INSR: variants seen among roughly 807,000 people sequenced by gnomAD.
INSR encodes IR.
In INSR, 67 loss-of-function variants were observed where a neutral mutation model predicts 142.6. The observed-to-expected ratio is 0.47, with a 90% CI of 0.39 to 0.58. INSR has a LOEUF of 0.58. INSR is among the 20% of genes least tolerant of loss of function. The pLI, the probability that INSR is intolerant of heterozygous loss-of-function variation, is 0.00. For missense variants in INSR, 1,248 were observed against 1,833.2 expected, an observed-to-expected ratio of 0.68 and a Z score of 5.83; for synonymous variants, 756 against 743.1, an observed-to-expected ratio of 1.02 and a Z score of -0.28.
chr19:7,157,635 G>A (rs914752428), intron 9 of INSR, among the ~76,000 whole-genome samples: 2 of 151,894 alleles, frequency 1.3e-5, no homozygotes, highest in South Asian at 2.1e-4. Context: ...TGTGACCCAC[G>A]GTGCAAGCAC....
Position 7,125,518 on chromosome 19 carries a change from C to G in INSR, c.3023G>C (p.Cys1008Ser), listed in dbSNP as rs1281347529. The change falls in exon 17 of 22, where the codon TGC becomes TCC. Residue 1008 changes from cysteine (C) to serine (S), a missense_variant. Around this residue, in one of 3 missense-constraint regions of INSR, gnomAD observed 1,069 missense variants for 1,654.0 expected, o/e 0.65. Transcript: ENST00000302850. This position sits in a 1 kb window ranked among gnomAD's most constrained non-coding sequence, Gnocchi z 4.9. ...EYLSASDVFP[C>S]SVYVPDEWEV... is the part of the protein sequence containing the mutation. ...CCACTCGTCCGGCACGTACACAGAG[C>G]ATGGAAACACTACTTCTTACTTATC... 1.7e-5 allele frequency: 27 copies of G among 1,613,526 alleles called. No individual in the cohort carries two copies. The highest frequency in any genetic ancestry group is 2.2e-5 in the Non-Finnish European group (26 of 1,179,972).
chr19:7,184,662 G>GAGAGAGAGAGAGAGAGA (rs1974376673), intron 2 of INSR, 25 bp from the exon 3 acceptor site: 1 of 978,500 alleles, frequency 1.0e-6, no homozygotes, highest in African/African-American at 2.6e-5. Flanking sequence ...AGAGAGAGAG[G>GAGAGAGAGAGAGAGAGA]GAAATAAATA....
At chr19:7,291,782 C>A (rs1237235485) in intron 1 of INSR, among the ~76,000 whole-genome samples, 2 of 152,040 alleles carry the variant, frequency 1.3e-5, no homozygotes, top group Non-Finnish European at 2.9e-5. Context: ...AGTTCGAAAC[C>A]ACTCATCTTG....
At chr19:7,144,050 G>C (rs1973133737) in intron 11 of INSR, among the ~76,000 whole-genome samples, 1 of 140,058 alleles carries the variant, frequency 7.1e-6, no homozygotes, top group African/African-American at 2.9e-5. Flanking sequence ...GTGAGACTCT[G>C]TCTCAAAAAA....
chr19:7,261,238 C>T (rs901825532), intron 2 of INSR, among the ~76,000 whole-genome samples: 5 of 152,090 alleles, frequency 3.3e-5, no homozygotes, highest in Non-Finnish European at 5.9e-5. Flanking sequence ...TCTGAGTGTA[C>T]TTGGTTTGAT....
intron 2 of INSR, among the ~76,000 whole-genome samples, chr19:7,229,716 G>A (rs957265085): frequency 5.4e-5 from 8 of 146,848 alleles, no homozygotes; most frequent in Non-Finnish European, 1.2e-4. Flanking sequence ...GGATGCTTTT[G>A]AAAAATGAAA....
chr19:7,119,132 G>A lies in INSR; in HGVS notation c.3794+317C>T, dbSNP rs1157483650. 6.6e-6 allele frequency among the ~76,000 whole-genome samples: 1 copy of A among 152,100 alleles called. No individual in the cohort carries two copies. Among genetic ancestry groups the A allele is most frequent in the African/African-American group, 2.4e-5 (1 of 41,406 alleles). Reference sequence around the variant, plus strand: ...TGTGTGCTTATAATATGTAAATGAGGTGTACATGTGCCATGATATGCTGAT... The same window carrying A: ...TGTGTGCTTATAATATGTAAATGAGATGTACATGTGCCATGATATGCTGAT... On this transcript the variant is annotated intron_variant, in intron 21 of 21. Coordinates refer to ENST00000302850, the MANE Select transcript of INSR (RefSeq NM_000208.4). The surrounding 1 kb of genome is among the most constrained non-coding windows in gnomAD (Gnocchi z 5.2).
chr19:7,172,546 G>C (rs1974042658), intron 4 of INSR, 112 bp from the exon 5 acceptor site: 1 of 1,136,738 alleles, frequency 8.8e-7, no homozygotes, highest in Non-Finnish European at 1.3e-6. Flanking sequence ...GACATACCCA[G>C]CTCAAAACTC....
At chr19:7,145,510 A>G (rs1973165689) in intron 11 of INSR, among the ~76,000 whole-genome samples, 4 of 152,202 alleles carry the variant, frequency 2.6e-5, no homozygotes. Flanking sequence ...TGGGTTTTCA[A>G]TGACACACTA....
At chr19:7,153,458 GCCACACACCACACACACA>G (rs1568450244) in intron 9 of INSR, among the ~76,000 whole-genome samples, 1 of 88,762 alleles carries the variant, frequency 1.1e-5, no homozygotes, top group Non-Finnish European at 2.4e-5. Flanking sequence ...CCACACCCAC[GCCACACACCACACACACA>G]CCACACACGC....
intron 2 of INSR, among the ~76,000 whole-genome samples, chr19:7,236,840 C>G (rs968593013): frequency 4.0e-5 from 6 of 151,694 alleles, no homozygotes; most frequent in Non-Finnish European, 7.4e-5. Context: ...TCCTGGCTAA[C>G]ACGGTGAAAC....
chr19:7,190,520 C>T (rs1974552555), intron 2 of INSR, among the ~76,000 whole-genome samples: 1 of 151,924 alleles, frequency 6.6e-6, no homozygotes, highest in Non-Finnish European at 1.5e-5. Flanking sequence ...TACAGGCGCC[C>T]GTCATCACGC....
intron 2 of INSR, among the ~76,000 whole-genome samples, chr19:7,257,056 T>C (rs1476885102): frequency 6.6e-6 from 1 of 151,202 alleles, no homozygotes; most frequent in Middle Eastern, 3.4e-3. Flanking sequence ...GATTCTCCTG[T>C]CTCAGTCTCC....
intron 8 of INSR, among the ~76,000 whole-genome samples, chr19:7,165,628 C>G (rs182827667): frequency 1.3e-5 from 2 of 151,646 alleles, no homozygotes; most frequent in Non-Finnish European, 2.9e-5. Context: ...TTTGGGAGGC[C>G]GAGGCAGGAG....
chr19:7,224,215 T>C (rs1042973130), intron 2 of INSR, among the ~76,000 whole-genome samples: 13 of 150,528 alleles, frequency 8.6e-5, no homozygotes, highest in African/African-American at 3.2e-4. Context: ...GTGCTGGGAT[T>C]ACAGGAGTGA....
intron 4 of INSR, among the ~76,000 whole-genome samples, chr19:7,172,762 G>T (rs187731511): frequency 6.6e-6 from 1 of 151,970 alleles, no homozygotes; most frequent in East Asian, 1.9e-4. Flanking sequence ...CTTGGTGCTG[G>T]TGGCTCATGC....
At position 7,114,867 on chromosome 19, in the gene INSR, T is replaced by C. The variant is rs1445691127; in HGVS notation, c.*2189A>G. ...TGCAGCTAGTGTAGTATACAACCAC[T>C]ACAAATTTACTAAGAAGAGAACAAA... On this transcript the variant is annotated 3_prime_UTR_variant, in exon 22 of 22. Transcript: ENST00000302850. 2 of 151,826 alleles carry C rather than the reference T, an allele frequency of 1.3e-5. No individual in the cohort carries two copies. The highest frequency in any genetic ancestry group is 2.9e-5 in the Non-Finnish European group (2 of 67,984). The allele number at this position is 151,826 out of a possible 1,614,324, so 9.4% of individuals were successfully genotyped here.
intron 9 of INSR, among the ~76,000 whole-genome samples, chr19:7,160,686 C>T (rs111668858): frequency 0.021 from 3,165 of 150,942 alleles, 87 homozygotes; most frequent in African/African-American, 0.069. Flanking sequence ...TTGGTGGGTT[C>T]TAAAAAAACC....
intron 2 of INSR, among the ~76,000 whole-genome samples, chr19:7,202,996 G>GT (rs371572449): frequency 0.11 from 7,736 of 67,592 alleles, 308 homozygotes; most frequent in Non-Finnish European, 0.14. Context: ...GGGTTTTGTT[G>GT]TTTTTTTTTT....
Sources: gnomAD v4.1 joint callset for allele counts (sites outside exome capture counted in the v4.1 genomes callset) on GRCh38, gnomAD v4.1.1 for gene constraint, gnomAD v4.1.1 regional missense constraint, Gnocchi (gnomAD v3.1) non-coding constraint, MANE v1.5 for transcripts, NCBI Gene and HGNC (gene_info 2026-07-23, HGNC 2026-07-21) for gene names.